MACROD2: variants seen among roughly 807,000 people sequenced by gnomAD.
The protein encoded by MACROD2 is ADP-ribose glycohydrolase MACROD2.
Under a neutral mutation model 70.4 loss-of-function variants are expected in MACROD2, and 36 were observed. The observed-to-expected ratio is 0.51, with a 90% CI of 0.39 to 0.68. The LOEUF is 0.68. MACROD2 is among the 30% of genes least tolerant of loss of function. The pLI is 0.00. For synonymous variants in MACROD2, 172 were observed against 178.8 expected (o/e 0.96, Z 0.30); for missense variants, 496 against 538.4 (o/e 0.92, Z 0.78).
chr20:14,023,137 G>A (rs2053111472), intron 2 of MACROD2, among the ~76,000 whole-genome samples: 1 of 152,138 alleles, frequency 6.6e-6, no homozygotes. Context: ...GTTTTGATTT[G>A]CATTTCTCTA....
At chr20:15,298,376 G>A (rs2077610868) in intron 6 of MACROD2, among the ~76,000 whole-genome samples, 1 of 152,194 alleles carries the variant, frequency 6.6e-6, no homozygotes, top group African/African-American at 2.4e-5. Context: ...TGTCCATACT[G>A]CTCTGAGCTC....
intron 6 of MACROD2, among the ~76,000 whole-genome samples, chr20:15,243,242 A>T (rs1247450391): frequency 6.6e-6 from 1 of 152,158 alleles, no homozygotes; most frequent in Non-Finnish European, 1.5e-5. Context: ...TCACAGCACG[A>T]ACTGGGATTC....
chr20:15,842,273 A>G (rs2064179613), intron 8 of MACROD2, among the ~76,000 whole-genome samples: 1 of 152,016 alleles, frequency 6.6e-6, no homozygotes, highest in South Asian at 2.1e-4. Context: ...GGTCCCTAGG[A>G]TATACACTGA....
intron 3 of MACROD2, among the ~76,000 whole-genome samples, chr20:14,378,063 G>A (rs1471977085): frequency 1.3e-5 from 2 of 152,146 alleles, no homozygotes; most frequent in Non-Finnish European, 2.9e-5. Context: ...CTCAAACTTA[G>A]CATGCATCAG....
At chr20:15,091,203 T>C (rs1020212307) in intron 5 of MACROD2, among the ~76,000 whole-genome samples, 9 of 152,120 alleles carry the variant, frequency 5.9e-5, no homozygotes, top group African/African-American at 2.2e-4. Flanking sequence ...CACTTTACCA[T>C]TGCCTCTCTG....
chr20:15,909,486 A>G (rs1054799931), intron 10 of MACROD2, among the ~76,000 whole-genome samples: 2 of 150,748 alleles, frequency 1.3e-5, no homozygotes, highest in Non-Finnish European at 3.0e-5. Flanking sequence ...GATCTGCTTC[A>G]GTATCATACA....
chr20:14,327,520 G>C (rs377198430), intron 3 of MACROD2: 119 of 1,599,692 alleles, frequency 7.4e-5, no homozygotes, highest in Non-Finnish European at 9.6e-5. Flanking sequence ...CAGCAGTGTT[G>C]AGGTCTTTAT....
chr20:15,542,117 A>G (rs993756779), intron 8 of MACROD2, among the ~76,000 whole-genome samples: 1 of 152,188 alleles, frequency 6.6e-6, no homozygotes, highest in Admixed American at 6.5e-5. Context: ...TATACAAAAA[A>G]AAGTATATCA....
chr20:15,678,356 G>A (rs1335575911), intron 8 of MACROD2, among the ~76,000 whole-genome samples: 1 of 150,052 alleles, frequency 6.7e-6, no homozygotes, highest in Non-Finnish European at 1.5e-5. Context: ...ACAGAGCAAG[G>A]CCCCATCTTT....
rs188157689 is a variant in MACROD2, at chr20:14,787,217, C to G, written c.418+102258C>G. Among the ~76,000 whole-genome samples, 491 of 152,132 alleles carry G rather than the reference C, an allele frequency of 3.2e-3. 4 individuals carry two copies. The highest frequency in any genetic ancestry group is 0.014 in the Middle Eastern group (4 of 294). On this transcript the variant is annotated intron_variant, in intron 5 of 17. Transcript: ENST00000684519. ...TTAAGTTTTAATAACTAATTTGAAGCTTCTTCATCAATCTTCTCTCAATTG... is the reference window on the plus strand; with the variant it reads ...TTAAGTTTTAATAACTAATTTGAAGGTTCTTCATCAATCTTCTCTCAATTG...
intron 3 of MACROD2, among the ~76,000 whole-genome samples, chr20:14,382,983 A>G (rs1177373841): frequency 6.6e-6 from 1 of 152,228 alleles, no homozygotes; most frequent in African/African-American, 2.4e-5. Flanking sequence ...TTTGCTACCT[A>G]AAATCACCTC....
intron 8 of MACROD2, among the ~76,000 whole-genome samples, chr20:15,768,124 TTGTG>T (rs915927608): frequency 1.3e-5 from 2 of 149,712 alleles, no homozygotes; most frequent in Admixed American, 6.7e-5. Context: ...GTGTGTGTGT[TTGTG>T]TGTATGTGTC....
intron 3 of MACROD2, among the ~76,000 whole-genome samples, chr20:14,270,850 G>A (rs905537782): frequency 6.6e-6 from 1 of 152,192 alleles, no homozygotes; most frequent in African/African-American, 2.4e-5. Flanking sequence ...TCACACACCT[G>A]GCTCAGAGGG....
intron 8 of MACROD2, among the ~76,000 whole-genome samples, chr20:15,593,466 T>C (rs1365065651): frequency 6.6e-6 from 1 of 152,252 alleles, no homozygotes; most frequent in Non-Finnish European, 1.5e-5. Flanking sequence ...CATTTATTGC[T>C]AATTGTAAAC....
intron 5 of MACROD2, among the ~76,000 whole-genome samples, chr20:14,787,498 A>G (rs1441633679): frequency 6.6e-6 from 1 of 152,064 alleles, no homozygotes; most frequent in Admixed American, 6.6e-5. Context: ...CAAGCAAGAT[A>G]AGGTTTACCA....
chr20:15,302,232 T>G (rs1191564554), intron 6 of MACROD2, among the ~76,000 whole-genome samples: 1 of 152,176 alleles, frequency 6.6e-6, no homozygotes, highest in Non-Finnish European at 1.5e-5. Flanking sequence ...CTGAAGGTCA[T>G]TCCTTTGACA....
chr20:14,275,287 A>G (rs1473143088), intron 3 of MACROD2, among the ~76,000 whole-genome samples: 2 of 152,224 alleles, frequency 1.3e-5, no homozygotes, highest in East Asian at 3.9e-4. Context: ...ACAGAGATAT[A>G]GACCAATGGA....
intron 8 of MACROD2, among the ~76,000 whole-genome samples, chr20:15,572,520 G>T (rs568022472): frequency 9.2e-4 from 140 of 152,164 alleles, no homozygotes; most frequent in Non-Finnish European, 1.6e-3. Context: ...GATAAGAACT[G>T]CTGGTAAATT....
intron 8 of MACROD2, among the ~76,000 whole-genome samples, chr20:15,597,182 G>A (rs1398428727): frequency 1.3e-5 from 2 of 152,222 alleles, no homozygotes; most frequent in African/African-American, 4.8e-5. Flanking sequence ...GAGAGGTGGA[G>A]AAAGTGTTTG....
Sources: gnomAD v4.1 joint callset for allele counts (sites outside exome capture counted in the v4.1 genomes callset) on GRCh38, gnomAD v4.1.1 for gene constraint, MANE v1.5 for transcripts, NCBI Gene and HGNC (gene_info 2026-07-23, HGNC 2026-07-21) for gene names.